Variants in NOL4 observed in about 807,000 individuals in gnomAD.
NOL4 encodes the protein nucleolar protein 4, also known as cancer/testis antigen 125.
A neutral mutation model predicts 75.9 loss-of-function variants in NOL4; 17 were observed. The observed-to-expected ratio is 0.22, with a 90% confidence interval of 0.15 to 0.34. The LOEUF (loss-of-function observed/expected upper bound fraction) is 0.34. NOL4 is among the 10% of genes least tolerant of loss of function. The pLI, the probability that NOL4 is intolerant of heterozygous loss-of-function variation, is 1.00. For synonymous variants in NOL4, 292 were observed against 289.9 expected (o/e 1.01, Z -0.07); for missense variants, 614 against 793.5 (o/e 0.77, Z 2.72).
At chr18:34,013,130 C>A (rs1163028417) in intron 6 of NOL4, among the ~76,000 whole-genome samples, 1 of 151,920 alleles carries the variant, frequency 6.6e-6, no homozygotes, top group Non-Finnish European at 1.5e-5. Context: ...AATAAGAAAG[C>A]ATTACACAAT....
At chr18:33,886,411 C>T (rs1210555733) in intron 9 of NOL4, among the ~76,000 whole-genome samples, 1 of 151,332 alleles carries the variant, frequency 6.6e-6, no homozygotes, top group Non-Finnish European at 1.5e-5. Context: ...CCCTGTAATC[C>T]CAGCTACTCA....
In NOL4 at chr18:34,164,371, T is replaced by G. The variant is rs925765647; in HGVS notation, c.265-34351A>C. 1.1e-4 allele frequency among the ~76,000 whole-genome samples: 17 copies of G among 151,858 alleles called. No individual in the cohort carries two copies. The East Asian group carries it at 2.7e-3, about 24-fold the overall frequency. ...ACAAAGGGCTAATATCCAGAATCTA[T>G]AATGAACTCAAACAAATTTACAAGA... is the stretch of plus-strand genomic sequence containing the variant. On this transcript the variant is annotated intron_variant, in intron 1 of 10. Coordinates refer to ENST00000261592, the MANE Select transcript of NOL4 (RefSeq NM_003787.5).
chr18:34,058,295 G>A (rs1395825093), intron 5 of NOL4, among the ~76,000 whole-genome samples: 17 of 152,164 alleles, frequency 1.1e-4, no homozygotes, highest in Middle Eastern at 3.4e-3. Context: ...CACCACGCCC[G>A]GCTAATTTTT....
Position 34,068,540 on chromosome 18 carries a change from C to T in NOL4, c.772+24925G>A, listed in dbSNP as rs1228983231. Among the ~76,000 whole-genome samples, 4 of 152,096 alleles carry T rather than the reference C, an allele frequency of 2.6e-5. No homozygotes were observed. In the East Asian group the frequency reaches 7.7e-4, roughly 29 times the overall value. ...TCAGCCTCCTGAGTGGCTGGGATTA[C>T]AGGCTCGTGCCACCACGCCCAGCTA... On this transcript the variant is annotated intron_variant, in intron 5 of 10. Transcript: ENST00000261592.
chr18:33,929,831 T>C (rs2067572091), intron 9 of NOL4, among the ~76,000 whole-genome samples: 1 of 152,150 alleles, frequency 6.6e-6, no homozygotes, highest in Non-Finnish European at 1.5e-5. Flanking sequence ...ATATATTAAA[T>C]ACTTAAGAAA....
intron 5 of NOL4, among the ~76,000 whole-genome samples, chr18:34,064,748 TGTG>T (rs2077198297): frequency 6.6e-6 from 1 of 151,940 alleles, no homozygotes; most frequent in Admixed American, 6.6e-5. Flanking sequence ...CACAAAGTTC[TGTG>T]GTTTGTCTTT....
At chr18:34,161,173 C>T (rs1331986615) in intron 1 of NOL4, among the ~76,000 whole-genome samples, 1 of 152,094 alleles carries the variant, frequency 6.6e-6, no homozygotes, top group Admixed American at 6.5e-5. Context: ...GGCTGACTAG[C>T]ATTCCATTGG....
intron 10 of NOL4, among the ~76,000 whole-genome samples, chr18:33,865,799 A>T (rs1036249785): frequency 2.0e-5 from 3 of 152,158 alleles, no homozygotes; most frequent in African/African-American, 7.2e-5. Flanking sequence ...TCTAACTGTA[A>T]CCCTAATATG....
chr18:34,161,085 G>A (rs965357351), intron 1 of NOL4, among the ~76,000 whole-genome samples: 5 of 152,038 alleles, frequency 3.3e-5, no homozygotes, highest in Middle Eastern at 3.4e-3. Flanking sequence ...CTTTTTGTGC[G>A]TGGCTTATTT....
At chr18:34,084,042 T>C (rs2078131368) in intron 5 of NOL4, among the ~76,000 whole-genome samples, 1 of 152,186 alleles carries the variant, frequency 6.6e-6, no homozygotes, top group Non-Finnish European at 1.5e-5. Context: ...TGCTTCTTCC[T>C]CTGGAAGTTT....
chr18:34,141,007 G>A (rs749434803), intron 1 of NOL4, among the ~76,000 whole-genome samples: 32 of 151,964 alleles, frequency 2.1e-4, no homozygotes, highest in Non-Finnish European at 3.7e-4. Flanking sequence ...AAATCAATGT[G>A]CAAAAATCAC....
chr18:34,038,229 A>T (rs2075996435), intron 5 of NOL4, among the ~76,000 whole-genome samples: 1 of 152,124 alleles, frequency 6.6e-6, no homozygotes, highest in South Asian at 2.1e-4. Context: ...ATTATAAAAA[A>T]TAAAATGTAA....
intron 5 of NOL4, among the ~76,000 whole-genome samples, chr18:34,076,436 T>A (rs1456468856): frequency 6.6e-6 from 1 of 152,192 alleles, no homozygotes; most frequent in Non-Finnish European, 1.5e-5. Context: ...AATGATTATC[T>A]AACAATGTGA....
chr18:34,024,190 A>ATATATATATATATATATATATAT (rs1322401512), intron 5 of NOL4, among the ~76,000 whole-genome samples: 21 of 69,642 alleles, frequency 3.0e-4, no homozygotes, highest in Non-Finnish European at 5.3e-4. Flanking sequence ...GGAAAAAAAA[A>ATATATATATATATATATATATAT]AAAAATATAT....
intron 9 of NOL4, among the ~76,000 whole-genome samples, chr18:33,905,757 T>C (rs1156288460): frequency 6.6e-6 from 1 of 152,180 alleles, no homozygotes; most frequent in Non-Finnish European, 1.5e-5. Flanking sequence ...TCTTTCTTAC[T>C]CAACTTCTTC....
At chr18:33,948,596 C>CT (rs1195978411) in intron 8 of NOL4, among the ~76,000 whole-genome samples, 1 of 151,466 alleles carries the variant, frequency 6.6e-6, no homozygotes, top group African/African-American at 2.4e-5. Flanking sequence ...AGTCATCCTG[C>CT]TAGGTATCAC....
At chr18:34,183,883 T>C (rs192111264) in intron 1 of NOL4, among the ~76,000 whole-genome samples, 17 of 152,048 alleles carry the variant, frequency 1.1e-4, no homozygotes, top group African/African-American at 3.9e-4. Context: ...TGGTGGTAGA[T>C]GTATAGCTCT....
At chr18:33,916,162 C>T (rs115163050) in intron 9 of NOL4, among the ~76,000 whole-genome samples, 346 of 152,126 alleles carry the variant, frequency 2.3e-3, no homozygotes, top group African/African-American at 7.2e-3. Flanking sequence ...TTTTGGAGTG[C>T]TATGCTTCTA....
intron 1 of NOL4, among the ~76,000 whole-genome samples, chr18:34,193,022 T>A (rs1268196257): frequency 6.6e-6 from 1 of 152,166 alleles, no homozygotes; most frequent in Non-Finnish European, 1.5e-5. Flanking sequence ...AAGAAATAAA[T>A]TTCTAGTCTT....
Sources: allele counts gnomAD v4.1 joint callset (sites outside exome capture counted in the v4.1 genomes callset), GRCh38; gene constraint gnomAD v4.1.1; transcripts MANE v1.5; gene names NCBI Gene and HGNC (gene_info 2026-07-23, HGNC 2026-07-21).